Variants in KCNMA1 observed in about 807,000 individuals in gnomAD.
KCNMA1 encodes Calcium-activated potassium channel subunit alpha-1.
In KCNMA1, 29 loss-of-function variants were observed where a neutral mutation model predicts 140.0. The observed-to-expected ratio is 0.21, with a 90% CI of 0.15 to 0.28. The LOEUF is 0.28. Ranked by LOEUF, KCNMA1 falls within the 10% of genes least tolerant of loss-of-function variation. The pLI, the probability that KCNMA1 is intolerant of heterozygous loss-of-function variation, is 1.00. For missense variants in KCNMA1, 880 were observed against 1,602.2 expected (o/e 0.55, Z 7.70); for synonymous variants, 612 against 611.9 (o/e 1.00, Z 0.00).
intron 19 of KCNMA1, among the ~76,000 whole-genome samples, chr10:76,976,676 C>T (rs576069778): frequency 6.6e-6 from 1 of 152,250 alleles, no homozygotes; most frequent in Admixed American, 6.5e-5. Flanking sequence ...TATATCTTCG[C>T]TGTAGACTTG....
intron 25 of KCNMA1, among the ~76,000 whole-genome samples, chr10:76,897,044 AC>A (rs1377425001): frequency 6.6e-6 from 1 of 151,074 alleles, no homozygotes; most frequent in African/African-American, 2.5e-5. Context: ...ACACACACAC[AC>A]ACAATTAGTG....
At chr10:77,535,309 T>C (rs1489479976) in intron 1 of KCNMA1, among the ~76,000 whole-genome samples, 1 of 152,212 alleles carries the variant, frequency 6.6e-6, no homozygotes, top group Non-Finnish European at 1.5e-5. Flanking sequence ...AAGAAGTTTA[T>C]TCCCCTCCTT....
chr10:77,485,917 T>C (rs1422536606), intron 1 of KCNMA1, among the ~76,000 whole-genome samples: 1 of 151,988 alleles, frequency 6.6e-6, no homozygotes, highest in Admixed American at 6.6e-5. Flanking sequence ...TGAAACACAC[T>C]AGAATGTTTG....
chr10:77,360,118 T>C (rs907805090), intron 2 of KCNMA1, among the ~76,000 whole-genome samples: 3 of 152,376 alleles, frequency 2.0e-5, no homozygotes, highest in Non-Finnish European at 2.9e-5. Context: ...GAACTGAATA[T>C]GCACATAAGA....
intron 1 of KCNMA1, among the ~76,000 whole-genome samples, chr10:77,593,699 G>T (rs1017409971): frequency 6.6e-6 from 1 of 152,198 alleles, no homozygotes; most frequent in Admixed American, 6.5e-5. Context: ...ATTCAATTAG[G>T]AGTGACGGTG....
intron 15 of KCNMA1, among the ~76,000 whole-genome samples, chr10:77,038,040 A>G (rs2094446997): frequency 6.6e-6 from 1 of 152,166 alleles, no homozygotes; most frequent in Non-Finnish European, 1.5e-5. Flanking sequence ...TTTCCAGTCC[A>G]TTTAGCATTA....
intron 3 of KCNMA1, among the ~76,000 whole-genome samples, chr10:77,240,208 AAC>A (rs1435701607): frequency 6.6e-6 from 1 of 152,246 alleles, no homozygotes; most frequent in East Asian, 1.9e-4. Context: ...GCAGTTCTTA[AAC>A]AAACAGAGTG....
At chr10:77,415,512 G>T (rs543791444) in intron 1 of KCNMA1, among the ~76,000 whole-genome samples, 2 of 152,224 alleles carry the variant, frequency 1.3e-5, no homozygotes, top group Non-Finnish European at 2.9e-5. Context: ...CTGTGGCAGG[G>T]GCCCAGCAGG....
At chr10:77,548,137 A>G (rs78494550) in intron 1 of KCNMA1, among the ~76,000 whole-genome samples, 25,664 of 147,246 alleles carry the variant, frequency 0.17, 2,399 homozygotes, top group African/African-American at 0.26. Flanking sequence ...AGGGAAAAGG[A>G]TGAAAAAAAA....
chr10:77,442,429 T>C (rs1290970966), intron 1 of KCNMA1, among the ~76,000 whole-genome samples: 1 of 152,020 alleles, frequency 6.6e-6, no homozygotes, highest in Non-Finnish European at 1.5e-5. Context: ...TCCTAAGCTG[T>C]TCTCCCTACC....
intron 14 of KCNMA1, among the ~76,000 whole-genome samples, chr10:77,051,779 T>C (rs1180475942): frequency 6.6e-6 from 1 of 152,158 alleles, no homozygotes; most frequent in Non-Finnish European, 1.5e-5. Flanking sequence ...CTCCAAGCCT[T>C]AATTCCCTTC....
At chr10:77,480,723 C>T (rs1486859736) in intron 1 of KCNMA1, among the ~76,000 whole-genome samples, 1 of 152,032 alleles carries the variant, frequency 6.6e-6, no homozygotes. Context: ...AGCGCAGCTT[C>T]CCCCTCCCGG....
intron 3 of KCNMA1, among the ~76,000 whole-genome samples, chr10:77,220,973 G>A (rs988853945): frequency 1.3e-5 from 2 of 152,170 alleles, no homozygotes; most frequent in Admixed American, 1.3e-4. Context: ...GAGTGGATAG[G>A]TGGAAGGTTT....
At chr10:77,049,957 G>A (rs1337815166) in intron 14 of KCNMA1, among the ~76,000 whole-genome samples, 1 of 152,136 alleles carries the variant, frequency 6.6e-6, no homozygotes, top group Non-Finnish European at 1.5e-5. Context: ...CGATAACTTG[G>A]AGGCTTGAAT....
chr10:77,634,311 G>A, intron 1 of KCNMA1: 1 of 985,444 alleles, frequency 1.0e-6, no homozygotes, highest in Non-Finnish European at 1.2e-6. Flanking sequence ...GTTCCCAACA[G>A]GAGGAAATTG....
Position 76,941,897 on chromosome 10 carries a change from T to C in KCNMA1, c.2902+2876A>G, listed in dbSNP as rs1343379547. Among the ~76,000 whole-genome samples the C allele has an allele frequency of 1.3e-5, 2 of 152,204 alleles. 1 individual carries two copies. Among genetic ancestry groups the C allele is most frequent in the Admixed American group, 1.3e-4 (2 of 15,286 alleles). The stretch of plus-strand genomic sequence containing the variant: ...TGTTCAGTCTCTGGTGAGGACTTTC[T>C]CGCAGTGTCCTCACATGACAGAAGG... On this transcript the variant is annotated intron_variant, in intron 23 of 27. Transcript: ENST00000286628.
At chr10:77,486,233 C>G (rs2098459055) in intron 1 of KCNMA1, among the ~76,000 whole-genome samples, 1 of 152,168 alleles carries the variant, frequency 6.6e-6, no homozygotes, top group African/African-American at 2.4e-5. Flanking sequence ...CTGAAGTATT[C>G]TTTCCTCAAC....
intron 19 of KCNMA1, among the ~76,000 whole-genome samples, chr10:76,989,159 GT>G (rs2082078656): frequency 6.6e-6 from 1 of 152,122 alleles, no homozygotes; most frequent in South Asian, 2.1e-4. Context: ...AGGACCCCGG[GT>G]TAGGGAGAGG....
intron 1 of KCNMA1, among the ~76,000 whole-genome samples, chr10:77,606,853 C>T (rs750333095): frequency 4.6e-5 from 7 of 152,142 alleles, no homozygotes; most frequent in Admixed American, 2.6e-4. Flanking sequence ...CACCTTGACA[C>T]CATACAAAGA....
Sources: gnomAD v4.1 joint callset for allele counts (sites outside exome capture counted in the v4.1 genomes callset) on GRCh38, gnomAD v4.1.1 for gene constraint, MANE v1.5 for transcripts, NCBI Gene and HGNC (gene_info 2026-07-23, HGNC 2026-07-21) for gene names.